NOL4L: variants seen among roughly 807,000 people sequenced by gnomAD.
NOL4L encodes nucleolar protein 4-like.
A neutral mutation model predicts 64.5 loss-of-function variants in NOL4L; 7 were observed. The observed-to-expected ratio is 0.11, with a 90% CI of 0.06 to 0.20. The LOEUF is 0.20. NOL4L is among the 10% of genes least tolerant of loss of function. NOL4L has a pLI of 1.00. For synonymous variants in NOL4L, 413 were observed against 401.0 expected (o/e 1.03, Z -0.36); for missense variants, 680 against 967.1 (o/e 0.70, Z 3.94).
chr20:32,550,695 C>T (rs1284378614), intron 1 of NOL4L, among the ~76,000 whole-genome samples: 1 of 152,162 alleles, frequency 6.6e-6, no homozygotes, highest in African/African-American at 2.4e-5. Context: ...GACTGACCAT[C>T]ATGGTGAAAC....
rs946303664 is a variant in NOL4L at position 32,463,636 on chromosome 20, A to G, written c.842-7241T>C. On this transcript the variant is annotated intron_variant, in intron 5 of 10. Transcript: ENST00000621426. This position sits in a 1 kb window ranked among gnomAD's most constrained non-coding sequence, Gnocchi z 5.8. ...AATGTGCTGCTATTCAAATGGAGGA[A>G]TTAGTGATGAATGGGGGAAATTGTT... Among the ~76,000 whole-genome samples the G allele has an allele frequency of 6.6e-6, 1 of 152,224 alleles. No individual in the cohort carries two copies. Among genetic ancestry groups the G allele is most frequent in the East Asian group, 1.9e-4 (1 of 5,194 alleles).
At chr20:32,536,223 G>C (rs2018517559) in intron 1 of NOL4L, 1 of 985,492 alleles carries the variant, frequency 1.0e-6, no homozygotes. Context: ...CTAGGACAGG[G>C]AATCGGGAGT....
At chr20:32,483,412 G>A (rs913958783) in intron 4 of NOL4L, 2 of 986,876 alleles carry the variant, frequency 2.0e-6, no homozygotes, top group Non-Finnish European at 2.4e-6. Context: ...CGAGTGAGCG[G>A]GGCGGGCGGC....
chr20:32,498,926 C>T (rs1414475047), intron 4 of NOL4L, among the ~76,000 whole-genome samples: 1 of 152,138 alleles, frequency 6.6e-6, no homozygotes, highest in African/African-American at 2.4e-5. Flanking sequence ...GTTGCCTAGG[C>T]TGGAGTGCAG....
At chr20:32,489,326 T>G (rs1488526143) in intron 4 of NOL4L, among the ~76,000 whole-genome samples, 1 of 151,970 alleles carries the variant, frequency 6.6e-6, no homozygotes, top group Admixed American at 6.5e-5. Context: ...CTAAATGGCT[T>G]TCTAAGTGGT....
chr20:32,583,422 G>T (rs1369601000), intron 1 of NOL4L, among the ~76,000 whole-genome samples: 1 of 149,792 alleles, frequency 6.7e-6, no homozygotes, highest in Non-Finnish European at 1.5e-5. Context: ...GGCTGAGCGC[G>T]GGGCGGGCGG....
chr20:32,493,790 G>A (rs1225078559), intron 4 of NOL4L, among the ~76,000 whole-genome samples: 4 of 152,124 alleles, frequency 2.6e-5, no homozygotes, highest in Admixed American at 6.5e-5. Flanking sequence ...AGCACACCTG[G>A]GTCTGTCCAT....
chr20:32,516,510 CT>C (rs1168715601), intron 3 of NOL4L, among the ~76,000 whole-genome samples: 1 of 152,138 alleles, frequency 6.6e-6, no homozygotes, highest in African/African-American at 2.4e-5. Flanking sequence ...CTCAAGGAAG[CT>C]TCGTAGAGAG....
Position 32,446,179 on chromosome 20 carries a change from C to T in NOL4L, c.*1417G>A, listed in dbSNP as rs1409207364. ...GGGCCTGCTGAGGTCTGGGCGAGTCCCTGGTTTAGCAGCACTGGTAGGTAT... is the reference window on the plus strand; with the variant it reads ...GGGCCTGCTGAGGTCTGGGCGAGTCTCTGGTTTAGCAGCACTGGTAGGTAT... On this transcript the variant is annotated 3_prime_UTR_variant, in exon 11 of 11. Coordinates refer to ENST00000621426, the MANE Select transcript of NOL4L (RefSeq NM_001256798.2). The T allele has an allele frequency of 1.3e-5, 2 of 152,354 alleles. No individual in the cohort carries two copies. Among genetic ancestry groups the T allele is most frequent in the East Asian group, 1.9e-4 (1 of 5,190 alleles). The allele number at this position is 152,354 out of a possible 1,614,324, so 9.4% of individuals were successfully genotyped here.
intron 1 of NOL4L, chr20:32,533,440 G>C (rs1166476274): frequency 6.6e-6 from 1 of 152,208 alleles, no homozygotes; most frequent in Non-Finnish European, 1.5e-5. Flanking sequence ...GACAGATTTT[G>C]AGAACTGCTG....
intron 2 of NOL4L, among the ~76,000 whole-genome samples, chr20:32,524,131 C>A (rs1328818772): frequency 6.6e-6 from 1 of 152,158 alleles, no homozygotes; most frequent in East Asian, 1.9e-4. Flanking sequence ...TGTTCCAACC[C>A]AGAAGGGTGC....
At position 32,452,261 on chromosome 20, in the gene NOL4L, G is replaced by A. The variant is rs756269249; in HGVS notation, c.1797C>T (p.Ser599=). 2 of 1,574,700 alleles carry A rather than the reference G, an allele frequency of 1.3e-6. No homozygotes were observed. The highest frequency in any genetic ancestry group is 1.2e-5 in the South Asian group (1 of 85,202). The change falls in exon 10 of 11, where the codon TCC becomes TCT. Residue 599 remains serine, a synonymous_variant. Coordinates refer to ENST00000621426, the MANE Select transcript of NOL4L (RefSeq NM_001256798.2). ...CATTACTGTGGTTTCCTGTTTGGAG[G>A]GAGGCAGGGGGCTGCAGGTTGCTGC... The part of the protein sequence containing the change: ...ALSSNLQPPA[S]LQTGNHSNGP...
chr20:32,535,620 G>A (rs2018495519), intron 1 of NOL4L: 1 of 985,372 alleles, frequency 1.0e-6, no homozygotes, highest in Admixed American at 6.1e-5. Context: ...CACACCCCAG[G>A]CCACAGAGAA....
intron 1 of NOL4L, among the ~76,000 whole-genome samples, chr20:32,531,165 T>G (rs949832226): frequency 6.6e-6 from 1 of 152,126 alleles, no homozygotes; most frequent in Non-Finnish European, 1.5e-5. Context: ...CTTAGCTGCT[T>G]AAAGGCCAAT....
chr20:32,469,689 CAAT>C (rs2014861531), intron 5 of NOL4L, among the ~76,000 whole-genome samples: 1 of 152,200 alleles, frequency 6.6e-6, no homozygotes, highest in African/African-American at 2.4e-5. Context: ...TATTTTTCTA[CAAT>C]AATTGTAATA....
At chr20:32,583,556 G>A (rs1023739266) in intron 1 of NOL4L, among the ~76,000 whole-genome samples, 19 of 149,788 alleles carry the variant, frequency 1.3e-4, no homozygotes, top group African/African-American at 4.4e-4. Context: ...GGGGAGGCCG[G>A]CGCGGCCCGA....
At chr20:32,478,810 C>T (rs748640848) in intron 4 of NOL4L, among the ~76,000 whole-genome samples, 2 of 152,216 alleles carry the variant, frequency 1.3e-5, no homozygotes, top group South Asian at 2.1e-4. Context: ...AGGCTGGCCT[C>T]GAACTCCTGG....
intron 6 of NOL4L, among the ~76,000 whole-genome samples, chr20:32,455,643 C>T (rs1238418162): frequency 5.3e-5 from 8 of 152,308 alleles, no homozygotes; most frequent in South Asian, 4.1e-4. Flanking sequence ...CCCTTACCAC[C>T]GTCCATCAGC....
rs2012318170 is a variant in NOL4L at position 32,446,121 on chromosome 20, A to G, written c.*1475T>C. ...GGGCGGGCAGCAGAGAGCTGCTGTC[A>G]TGGCTACGGAGTGTTGCACGGAGAG... On this transcript the variant is annotated 3_prime_UTR_variant, in exon 11 of 11. Coordinates refer to ENST00000621426, the MANE Select transcript of NOL4L (RefSeq NM_001256798.2). 1 of 152,488 alleles carries G rather than the reference A, an allele frequency of 6.6e-6. No individual in the cohort carries two copies. Among genetic ancestry groups the G allele is most frequent in the South Asian group, 2.1e-4 (1 of 4,830 alleles). 9.4% of individuals were successfully genotyped at this position (152,488 alleles called of 1,614,324 possible). A position where few individuals can be genotyped will look rare whatever the true frequency, so the allele number is the denominator to read the frequency against.
Sources: allele counts gnomAD v4.1 joint callset (sites outside exome capture counted in the v4.1 genomes callset), GRCh38; gene constraint gnomAD v4.1.1; non-coding constraint Gnocchi (gnomAD v3.1); transcripts MANE v1.5; gene names NCBI Gene and HGNC (gene_info 2026-07-23, HGNC 2026-07-21).